Variants in PCDHGB4 observed in about 807,000 individuals in gnomAD.
PCDHGB4 encodes the protein protocadherin gamma-B4.
In PCDHGB4, 38 loss-of-function variants were observed where a neutral mutation model predicts 60.5. The observed-to-expected ratio is 0.63, with a 90% CI of 0.48 to 0.82. The LOEUF (loss-of-function observed/expected upper bound fraction) is 0.82. PCDHGB4 is among the 40% of genes least tolerant of loss of function. The pLI is 0.00. For synonymous variants in PCDHGB4, 456 were observed against 509.7 expected, an observed-to-expected ratio of 0.89 and a Z score of 1.42; for missense variants, 1,109 against 1,209.6, an observed-to-expected ratio of 0.92 and a Z score of 1.23.
intron 1 of PCDHGB4, chr5:141,422,357 C>T: frequency 6.4e-7 from 1 of 1,557,656 alleles, no homozygotes; most frequent in South Asian, 1.3e-5. Context: ...GATCAAGATT[C>T]TGGAGAAAAT....
At chr5:141,392,864 C>T (rs1328545217) in intron 1 of PCDHGB4, 2 of 1,612,536 alleles carry the variant, frequency 1.2e-6, no homozygotes, top group Non-Finnish European at 1.7e-6. Context: ...TCCTGCTGTG[C>T]GCGCTGCTGG....
chr5:141,509,081 A>T (rs1279221589), intron 3 of PCDHGB4, among the ~76,000 whole-genome samples: 1 of 152,160 alleles, frequency 6.6e-6, no homozygotes, highest in Non-Finnish European at 1.5e-5. Context: ...GATTTGCGAC[A>T]TGAAATGGGG....
intron 1 of PCDHGB4, among the ~76,000 whole-genome samples, chr5:141,439,208 C>A: frequency 6.6e-6 from 1 of 151,294 alleles, no homozygotes. Flanking sequence ...AAAAAAAATC[C>A]ATATGTGAAA....
intron 1 of PCDHGB4, among the ~76,000 whole-genome samples, chr5:141,449,891 A>G (rs2098658520): frequency 6.6e-6 from 1 of 151,872 alleles, no homozygotes; most frequent in Non-Finnish European, 1.5e-5. Flanking sequence ...CAATATAATT[A>G]TTTAGCCTAT....
chr5:141,474,371 G>A (rs909237592), intron 1 of PCDHGB4, among the ~76,000 whole-genome samples: 1 of 152,180 alleles, frequency 6.6e-6, no homozygotes, highest in African/African-American at 2.4e-5. Flanking sequence ...TAGGTCTAGA[G>A]GAGGGCATTT....
chr5:141,399,656 T>C, intron 1 of PCDHGB4: 1 of 1,613,694 alleles, frequency 6.2e-7, no homozygotes, highest in Non-Finnish European at 8.5e-7. Context: ...AGTGGGGTGG[T>C]GTTCGCGCAG....
Position 141,419,433 on chromosome 5 carries a change from T to C in PCDHGB4, c.2397+29152T>C, listed in dbSNP as rs1333004780. 11 of 1,613,246 alleles carry C rather than the reference T, an allele frequency of 6.8e-6. No individual in the cohort carries two copies. The highest frequency in any genetic ancestry group is 9.3e-6 in the Non-Finnish European group (11 of 1,179,828). On this transcript the variant is annotated intron_variant, in intron 1 of 3. Coordinates refer to ENST00000519479, the MANE Select transcript of PCDHGB4 (RefSeq NM_003736.4). ...CAGCGCGCCTTCGACCACGAGCAGC[T>C]GCGCACCTTCGAGCTCACGCTGCAG... is the stretch of plus-strand genomic sequence containing the variant.
intron 1 of PCDHGB4, chr5:141,400,694 C>T: frequency 1.3e-6 from 1 of 763,776 alleles, no homozygotes; most frequent in South Asian, 1.9e-5. Context: ...GTTTTTATGT[C>T]GCATAAAAGA....
At chr5:141,394,797 G>A (rs551668843) in intron 1 of PCDHGB4, 2 of 1,613,798 alleles carry the variant, frequency 1.2e-6, no homozygotes, top group Admixed American at 1.7e-5. Flanking sequence ...CACGCTCACC[G>A]TAGCCGTGGC....
At chr5:141,394,777 C>T (rs2093090848) in intron 1 of PCDHGB4, 5 of 1,613,516 alleles carry the variant, frequency 3.1e-6, no homozygotes, top group African/African-American at 2.7e-5. Flanking sequence ...CCCCCTCTCT[C>T]CGCCACTGTC....
At position 141,500,368 on chromosome 5, in the gene PCDHGB4, C is replaced by T. The variant is rs181410708; in HGVS notation, c.2457-5025C>T. Among the ~76,000 whole-genome samples, 364 of 152,050 alleles carry T rather than the reference C, an allele frequency of 2.4e-3. 3 individuals carry two copies. The highest frequency in any genetic ancestry group is 9.2e-3 in the Admixed American group (140 of 15,274). ...GGACTACAGGCGCCCACTACCACGCCCGGCTAATTATTTTGTATTTTTAGT... is the reference window on the plus strand; with the variant it reads ...GGACTACAGGCGCCCACTACCACGCTCGGCTAATTATTTTGTATTTTTAGT... On this transcript the variant is annotated intron_variant, in intron 2 of 3. Transcript: ENST00000519479.
In PCDHGB4 at chr5:141,408,857, G is replaced by T. The variant is rs372861749; in HGVS notation, c.2397+18576G>T. 1.9e-5 allele frequency: 30 copies of T among 1,613,424 alleles called. No homozygotes were observed. Among genetic ancestry groups the T allele is most frequent in the Non-Finnish European group, 2.5e-5 (29 of 1,179,810 alleles). ...GATATTGACTGCCTTGGACGGAGGG[G>T]ACCCACCAAGAAGTGCCACCGCTCA... On this transcript the variant is annotated intron_variant, in intron 1 of 3. Coordinates refer to ENST00000519479, the MANE Select transcript of PCDHGB4 (RefSeq NM_003736.4).
At chr5:141,466,376 C>A (rs1046432765) in intron 1 of PCDHGB4, among the ~76,000 whole-genome samples, 1 of 151,904 alleles carries the variant, frequency 6.6e-6, no homozygotes, top group Non-Finnish European at 1.5e-5. Flanking sequence ...GTTTTGGCAC[C>A]CATCTAATGG....
At chr5:141,452,792 A>AT (rs745523252) in intron 1 of PCDHGB4, among the ~76,000 whole-genome samples, 15 of 152,178 alleles carry the variant, frequency 9.9e-5, no homozygotes, top group Admixed American at 2.0e-4. Context: ...ACATACCATC[A>AT]TTTTTGCTGT....
chr5:141,462,336 T>C (rs2099037439), intron 1 of PCDHGB4, among the ~76,000 whole-genome samples: 1 of 152,238 alleles, frequency 6.6e-6, no homozygotes, highest in African/African-American at 2.4e-5. Flanking sequence ...TTTAATTGTA[T>C]TGTGATCCAA....
chr5:141,403,964 G>T (rs1279237991), intron 1 of PCDHGB4: 1 of 1,613,704 alleles, frequency 6.2e-7, no homozygotes, highest in Non-Finnish European at 8.5e-7. Context: ...CATTTCGGTG[G>T]AAGATGTAAA....
intron 1 of PCDHGB4, chr5:141,410,724 C>G: frequency 7.2e-7 from 1 of 1,385,884 alleles, no homozygotes; most frequent in Non-Finnish European, 9.6e-7. Flanking sequence ...TGTTTAAAAT[C>G]CATAGCTTTT....
intron 1 of PCDHGB4, among the ~76,000 whole-genome samples, chr5:141,492,539 G>A (rs1474928199): frequency 1.3e-5 from 2 of 152,200 alleles, no homozygotes; most frequent in African/African-American, 2.4e-5. Context: ...GCCCCGGGCT[G>A]GGCCGGGTCG....
chr5:141,451,745 G>T (rs562443882), intron 1 of PCDHGB4, among the ~76,000 whole-genome samples: 36 of 152,242 alleles, frequency 2.4e-4, no homozygotes, highest in Middle Eastern at 3.4e-3. Context: ...AGCTGGTCTG[G>T]TGGTGCATGC....
Sources: allele counts gnomAD v4.1 joint callset (sites outside exome capture counted in the v4.1 genomes callset), GRCh38; gene constraint gnomAD v4.1.1; transcripts MANE v1.5; gene names NCBI Gene and HGNC (gene_info 2026-07-23, HGNC 2026-07-21).